Variants in MNX1 observed in about 807,000 individuals in gnomAD.
The protein encoded by MNX1 is motor neuron and pancreas homeobox protein 1.
In MNX1, 2 loss-of-function variants were observed where a neutral mutation model predicts 17.3. The observed-to-expected ratio is 0.12, with a 90% CI of 0.05 to 0.36. MNX1 has a LOEUF of 0.36. MNX1 is among the 10% of genes least tolerant of loss of function. MNX1 has a pLI of 1.00. For synonymous variants in MNX1, 306 were observed against 283.1 expected (o/e 1.08, Z -0.81); for missense variants, 556 against 564.7 (o/e 0.98, Z 0.16).
At chr7:157,009,311 C>T in intron 1 of MNX1, 3 of 1,416,274 alleles carry the variant, frequency 2.1e-6, no homozygotes, top group Non-Finnish European at 2.8e-6. Flanking sequence ...ACCCCCATTC[C>T]CGGGCCTGCC....
chr7:157,009,794 T>C lies in MNX1; in HGVS notation c.557A>G (p.Tyr186Cys), dbSNP rs1475913539. The C allele has an allele frequency of 1.3e-6, 2 of 1,571,522 alleles. No homozygotes were observed. Among genetic ancestry groups the C allele is most frequent in the African/African-American group, 1.4e-5 (1 of 73,860 alleles). ...AGQHPALSYS[Y>C]PQVQGAHPAH... ...GGGGTGCGCGCCTTGCACCTGCGGG[T>C]ACGAGTAGGAGAGCGCCGGGTGCTG... The change falls in exon 1 of 3, where the codon TAC becomes TGC. Residue 186 changes from tyrosine to cysteine, a missense_variant. Physicochemically the swap from Tyr to Cys is radical, Grantham distance 194. This residue lies in a region of MNX1 where 210 missense variants were observed against 211.3 expected (regional missense o/e 0.99). Transcript: ENST00000252971.
At chr7:157,009,121 C>CTGGTA (rs1372862045) in intron 1 of MNX1, 1 of 1,533,878 alleles carries the variant, frequency 6.5e-7, no homozygotes, top group African/African-American at 1.4e-5. Context: ...CAGAGGAGGG[C>CTGGTA]AGCGCCCTGG....
intron 1 of MNX1, chr7:157,008,930 A>T: frequency 6.7e-7 from 1 of 1,497,168 alleles, no homozygotes; most frequent in Non-Finnish European, 9.0e-7. Flanking sequence ...AGCTGCCCGA[A>T]GCCCAGCGGC....
In MNX1 at chr7:157,010,441, G is replaced by C; in HGVS notation, c.-91C>G. 1.1e-6 allele frequency: 1 copy of C among 941,412 alleles called. No homozygotes were observed. Among genetic ancestry groups the C allele is most frequent in the Non-Finnish European group, 1.5e-6 (1 of 652,770 alleles). The allele number at this position is 941,412 out of a possible 1,614,324, so 58.3% of individuals were successfully genotyped here. ...AGTCAGTGCGTGCGGTGCAAGCCCGGGGGCTCGGTATTGTTATGGTGGTTA... is the reference window on the plus strand; with the variant it reads ...AGTCAGTGCGTGCGGTGCAAGCCCGCGGGCTCGGTATTGTTATGGTGGTTA... On this transcript the variant is annotated 5_prime_UTR_variant, in exon 1 of 3. Transcript: ENST00000252971.
Position 157,010,334 on chromosome 7 carries a change from T to C in MNX1, c.17A>G (p.Asn6Ser). Residue 6 changes from asparagine to serine, a missense_variant, in exon 1 of 3, where the codon AAT becomes AGT. Asn to Ser is a conservative substitution (Grantham distance 46). Coordinates refer to ENST00000252971, the MANE Select transcript of MNX1 (RefSeq NM_005515.4). ...CGCCAGCAGGGCGTCGATGCGGAAA[T>C]TTTTGGATTTTTCCATCGGCTCGTT... MEKSKNFRIDALLAVD... is the reference protein window; with the variant it reads MEKSKSFRIDALLAVD... 6.3e-7 allele frequency: 1 copy of C among 1,580,156 alleles called. No homozygotes were observed. The highest frequency in any genetic ancestry group is 8.6e-7 in the Non-Finnish European group (1 of 1,163,574).
rs1424098563 is a variant in MNX1, at chr7:157,005,732, C to CCTCGGCT, written c.987_993dup (p.Glu332SerfsTer26). The CCTCGGCT allele has an allele frequency of 3.1e-6, 5 of 1,609,540 alleles. No homozygotes were observed. Among genetic ancestry groups the CCTCGGCT allele is most frequent in the Non-Finnish European group, 4.2e-6 (5 of 1,179,314 alleles). On this transcript the variant is annotated frameshift_variant, in exon 3 of 3. Transcript: ENST00000252971. LOFTEE classifies it low-confidence loss of function (END_TRUNC). ...CCGGGCGCTGGCGGCCCCAGCAGCTCCTCGGCTCCCGGCTCCTCCGCGCCG... is the reference window on the plus strand; with the variant it reads ...CCGGGCGCTGGCGGCCCCAGCAGCTCCTCGGCTCTCGGCTCCCGGCTCCTCCGCGCCG...
At chr7:157,007,096 T>A (rs1805616590) in intron 1 of MNX1, 1 of 152,022 alleles carries the variant, frequency 6.6e-6, no homozygotes, top group Admixed American at 6.6e-5. Context: ...AGACCCCATC[T>A]CTCAATAAAT....
Position 157,010,472 on chromosome 7 carries a change from C to A in MNX1, c.-122G>T. 1 of 621,428 alleles carries A rather than the reference C, an allele frequency of 1.6e-6. No individual in the cohort carries two copies. Among genetic ancestry groups the A allele is most frequent in the Non-Finnish European group, 2.5e-6 (1 of 407,074 alleles). 38.5% of individuals were successfully genotyped at this position (621,428 alleles called of 1,614,324 possible). A position where few individuals can be genotyped will look rare whatever the true frequency, so the allele number is the denominator to read the frequency against. On this transcript the variant is annotated 5_prime_UTR_variant, in exon 1 of 3. Transcript: ENST00000252971. ...CGGTATTGTTATGGTGGTTATTTGC[C>A]AATAATCAAAGTCGCCGCCGGAAAC...
Position 157,005,191 on chromosome 7 carries a change from G to A in MNX1, c.*329C>T. 4.2e-6 allele frequency: 1 copy of A among 238,582 alleles called. No individual in the cohort carries two copies. Among genetic ancestry groups the A allele is most frequent in the Non-Finnish European group, 8.2e-6 (1 of 121,876 alleles). 14.8% of individuals were successfully genotyped at this position (238,582 alleles called of 1,614,324 possible). ...GACAGGAGGCTTCCCCTTGCGCGGGGTGGGTCGGTTCTTCTCACACGCACT... is the reference window on the plus strand; with the variant it reads ...GACAGGAGGCTTCCCCTTGCGCGGGATGGGTCGGTTCTTCTCACACGCACT... On this transcript the variant is annotated 3_prime_UTR_variant, in exon 3 of 3. Transcript: ENST00000252971.
intron 1 of MNX1, chr7:157,009,236 G>T (rs1805661137): frequency 7.0e-7 from 1 of 1,433,026 alleles, no homozygotes; most frequent in Non-Finnish European, 9.1e-7. Context: ...TGGAGGGGCC[G>T]CGGGTCTCTC....
In MNX1 at chr7:157,006,853, A is replaced by ATTTTTTTTTTT. The variant is rs373662349; in HGVS notation, c.692-225_692-215dup. 7,026 of 272,204 alleles carry ATTTTTTTTTTT rather than the reference A, an allele frequency of 0.026. 554 individuals are homozygous for ATTTTTTTTTTT. The highest frequency in any genetic ancestry group is 0.11 in the African/African-American group (2,885 of 26,582). 16.9% of individuals were successfully genotyped at this position (272,204 alleles called of 1,614,324 possible). ...GGATAGTTTGGAGTTAATGAGACCAATTTTTTTTTTTTTTTTTGTCTAGGA... is the reference window on the plus strand; with the variant it reads ...GGATAGTTTGGAGTTAATGAGACCAATTTTTTTTTTTTTTTTTTTTTTTTTTTTGTCTAGGA... On this transcript the variant is annotated intron_variant, in intron 1 of 2. Transcript: ENST00000252971. This position sits in a 1 kb window ranked among gnomAD's most constrained non-coding sequence, Gnocchi z 6.3.
In MNX1 at chr7:157,010,662, G is replaced by A. The variant is rs1805700581; in HGVS notation, c.-312C>T. ...CCGCGCGGAGGCCGCTGCCGCCGTGGTGGGGACCCGCGCCCCTCCGCGCAC... is the reference window on the plus strand; with the variant it reads ...CCGCGCGGAGGCCGCTGCCGCCGTGATGGGGACCCGCGCCCCTCCGCGCAC... On this transcript the variant is annotated 5_prime_UTR_variant, in exon 1 of 3. Transcript: ENST00000252971. 4.7e-6 allele frequency: 1 copy of A among 214,994 alleles called. No homozygotes were observed. The highest frequency in any genetic ancestry group is 5.9e-5 in the Admixed American group (1 of 17,072). The allele number at this position is 214,994 out of a possible 1,614,324, so 13.3% of individuals were successfully genotyped here. A position where few individuals can be genotyped will look rare whatever the true frequency, so the allele number is the denominator to read the frequency against.
chr7:157,009,056 T>TG (rs1805656754), intron 1 of MNX1: 1 of 1,536,886 alleles, frequency 6.5e-7, no homozygotes, highest in Admixed American at 2.0e-5. Context: ...CCCCCATAGC[T>TG]GGTTCAAGCC....
At chr7:157,007,166 CCT>C (rs1412039211) in intron 1 of MNX1, 4 of 152,232 alleles carry the variant, frequency 2.6e-5, no homozygotes, top group African/African-American at 9.6e-5. Flanking sequence ...AATCTCTCCC[CCT>C]CTCCTCACTG....
Position 157,006,579 on chromosome 7 carries a change from T to A in MNX1, c.752A>T (p.Gln251Leu). 1 of 1,607,708 alleles carries A rather than the reference T, an allele frequency of 6.2e-7. No homozygotes were observed. Among genetic ancestry groups the A allele is most frequent in the Non-Finnish European group, 8.5e-7 (1 of 1,178,108 alleles). The change falls in exon 2 of 3, where the codon CAG becomes CTG. Residue 251 changes from glutamine to leucine, a missense_variant. Coordinates refer to ENST00000252971, the MANE Select transcript of MNX1 (RefSeq NM_005515.4). This position sits in a 1 kb window ranked among gnomAD's most constrained non-coding sequence, Gnocchi z 6.3. The stretch of plus-strand genomic sequence containing the variant: ...CTGGTGCTCCAGCTCCAGCAGCTGC[T>A]GGCTGGTGAAGGCGGTGCGCGGCCG... ...CRRPRTAFTS[Q>L]QLLELEHQFK...
chr7:157,009,401 T>C (rs763223723), intron 1 of MNX1: 37 of 1,424,890 alleles, frequency 2.6e-5, no homozygotes, highest in Non-Finnish European at 3.3e-5. Flanking sequence ...TAGATCTCAG[T>C]CTCACACCTC....
rs760844955 is a variant in MNX1 at position 157,005,610 on chromosome 7, G to A, written c.1116C>T (p.Asn372=). 10 of 1,606,178 alleles carry A rather than the reference G, an allele frequency of 6.2e-6. No individual in the cohort carries two copies. In the Admixed American group the frequency reaches 1.7e-4, roughly 27 times the overall value. Residue 372 remains asparagine, a synonymous_variant, in exon 3 of 3, where the codon AAC becomes AAT. Coordinates refer to ENST00000252971, the MANE Select transcript of MNX1 (RefSeq NM_005515.4). ...AGGAGGCGGCGTGGACGCTGGCGCC[G>A]TTGCTGTAGGGGAAATGGTCCTCGT... ...EDDEDHFPYS[N]GASVHAASSD...
chr7:157,005,422 T>TCGGGG lies in MNX1; in HGVS notation c.*93_*97dup. On this transcript the variant is annotated 3_prime_UTR_variant, in exon 3 of 3. Transcript: ENST00000252971. ...CATGGGGCGGCGGTCGAGCCTGCTC[T>TCGGGG]CGGGGCCGGGCCGGGTGGGTGCGGG... 2.2e-6 allele frequency: 2 copies of TCGGGG among 899,056 alleles called. No individual in the cohort carries two copies. Among genetic ancestry groups the TCGGGG allele is most frequent in the Non-Finnish European group, 2.8e-6 (2 of 704,990 alleles). 55.7% of individuals were successfully genotyped at this position (899,056 alleles called of 1,614,324 possible).
rs1194654582 is a variant in MNX1 at position 157,009,957 on chromosome 7, C to CGGCGGT, written c.393_394insACCGCC (p.Ala131_Ala132insThrAla). The CGGCGGT allele has an allele frequency of 1.0e-6, 1 of 971,192 alleles. No homozygotes were observed. The highest frequency in any genetic ancestry group is 1.2e-6 in the Non-Finnish European group (1 of 820,546). The allele number at this position is 971,192 out of a possible 1,614,324, so 60.2% of individuals were successfully genotyped here. A position where few individuals can be genotyped will look rare whatever the true frequency, so the allele number is the denominator to read the frequency against. ...CCCAGCGCCAGGCCCCCAGCGGCGGCGGCGGCGGCGGCGGCGGCGGCAGCG... is the reference window on the plus strand; with the variant it reads ...CCCAGCGCCAGGCCCCCAGCGGCGGCGGCGGTGGCGGCGGCGGCGGCGGCGGCAGCG... On this transcript the variant is annotated inframe_insertion, in exon 1 of 3. Coordinates refer to ENST00000252971, the MANE Select transcript of MNX1 (RefSeq NM_005515.4).
Sources: gnomAD v4.1 joint callset for allele counts on GRCh38, gnomAD v4.1.1 for gene constraint, gnomAD v4.1.1 regional missense constraint, Gnocchi (gnomAD v3.1) non-coding constraint, MANE v1.5 for transcripts, NCBI Gene and HGNC (gene_info 2026-07-23, HGNC 2026-07-21) for gene names.